Variants in RIMS2 observed in about 807,000 individuals in gnomAD.
RIMS2 encodes the protein regulating synaptic membrane exocytosis 2, also known as regulating synaptic membrane exocytosis protein 2.
Under a neutral mutation model 174.4 loss-of-function variants are expected in RIMS2, and 59 were observed. The ratio of observed to expected loss-of-function variants is 0.34; its 90% CI spans 0.27 to 0.42. The LOEUF (loss-of-function observed/expected upper bound fraction) is 0.42, where lower values mean the gene tolerates loss of function less well. RIMS2 is among the 10% of genes least tolerant of loss of function. The pLI is 1.00. For missense variants in RIMS2, 1,620 were observed against 1,666.3 expected (o/e 0.97, Z 0.48); for synonymous variants, 606 against 572.5 (o/e 1.06, Z -0.84).
At chr8:103,946,722 A>G (rs149218828) in intron 14 of RIMS2, among the ~76,000 whole-genome samples, 1 of 152,284 alleles carries the variant, frequency 6.6e-6, no homozygotes, top group East Asian at 1.9e-4. Flanking sequence ...CCCAATTCCT[A>G]TCAAAATCTA....
Position 103,881,069 on chromosome 8 carries a change from A to G in RIMS2, c.699-4229A>G, listed in dbSNP as rs567905998. Among the ~76,000 whole-genome samples the G allele has an allele frequency of 3.3e-3, 504 of 151,564 alleles. 3 individuals are homozygous for G. Among genetic ancestry groups the G allele is most frequent in the African/African-American group, 0.012 (480 of 41,486 alleles). ...GTGATTTACATATTTTTATTTATAA[A>G]GTAACAATTTTTTAATGATCTCTAC... On this transcript the variant is annotated intron_variant, in intron 3 of 23. Coordinates refer to ENST00000504942, the Ensembl canonical transcript of RIMS2.
chr8:104,055,085 T>A (rs2096846873), intron 19 of RIMS2, among the ~76,000 whole-genome samples: 2 of 152,102 alleles, frequency 1.3e-5, no homozygotes, highest in African/African-American at 2.4e-5. Flanking sequence ...TGTGTTTGGA[T>A]CCTTTTAAGA....
At chr8:104,041,244 G>A (rs2096603146) in intron 19 of RIMS2, 82 bp from the exon 22 acceptor site, 2 of 548,144 alleles carry the variant, frequency 3.6e-6, no homozygotes, top group Admixed American at 2.7e-5. Flanking sequence ...CTTTCCATCA[G>A]TGTCACTTTT....
intron 19 of RIMS2, among the ~76,000 whole-genome samples, chr8:104,117,552 G>T (rs564562931): frequency 6.6e-6 from 1 of 152,046 alleles, no homozygotes; most frequent in African/African-American, 2.4e-5. Context: ...TGTTTTCCAG[G>T]CTGGTCTTGA....
chr8:103,740,428 A>G (rs942343945), intron 2 of RIMS2, among the ~76,000 whole-genome samples: 1 of 152,182 alleles, frequency 6.6e-6, no homozygotes, highest in African/African-American at 2.4e-5. Flanking sequence ...GGCTTCTTGT[A>G]GAGGATGGCA....
chr8:103,560,859 T>G (rs2091470400), intron 1 of RIMS2, among the ~76,000 whole-genome samples: 1 of 152,230 alleles, frequency 6.6e-6, no homozygotes, highest in African/African-American at 2.4e-5. Flanking sequence ...CTTTTTATGT[T>G]AAGTAGGAAT....
intron 19 of RIMS2, among the ~76,000 whole-genome samples, chr8:104,211,805 C>T (rs1054721896): frequency 2.6e-5 from 4 of 151,996 alleles, no homozygotes; most frequent in African/African-American, 4.8e-5. Flanking sequence ...TGAGCCACCG[C>T]GCGTGACTGG....
At chr8:104,211,310 G>A (rs1666641768) in intron 19 of RIMS2, among the ~76,000 whole-genome samples, 2 of 152,282 alleles carry the variant, frequency 1.3e-5, no homozygotes, top group South Asian at 4.1e-4. Flanking sequence ...TTCTACTTTA[G>A]ATTGGATTGC....
chr8:103,513,981 T>C (rs183780755), intron 1 of RIMS2, among the ~76,000 whole-genome samples: 4 of 152,190 alleles, frequency 2.6e-5, no homozygotes, highest in African/African-American at 4.8e-5. Context: ...ATTATATAAC[T>C]CTTTTGTTTA....
chr8:104,013,367 C>T (rs2095816304), intron 17 of RIMS2, 75 bp from the exon 20 acceptor site: 1 of 1,156,548 alleles, frequency 8.6e-7, no homozygotes, highest in African/African-American at 1.6e-5. Context: ...TTTTCAAAAT[C>T]AGTTTGATGC....
At chr8:103,606,846 T>G (rs1024313318) in intron 1 of RIMS2, among the ~76,000 whole-genome samples, 1 of 151,530 alleles carries the variant, frequency 6.6e-6, no homozygotes, top group African/African-American at 2.4e-5. Context: ...TTGTTTTCCA[T>G]TTGCTTGGTA....
chr8:103,973,064 G>A (rs72683107), intron 15 of RIMS2, among the ~76,000 whole-genome samples: 19,323 of 152,076 alleles, frequency 0.13, 1,697 homozygotes, highest in Non-Finnish European at 0.19. Flanking sequence ...TCTAAGTTTT[G>A]TAAGAACAAT....
intron 2 of RIMS2, among the ~76,000 whole-genome samples, chr8:103,739,440 A>C (rs957770912): frequency 1.3e-5 from 2 of 152,210 alleles, no homozygotes; most frequent in Non-Finnish European, 2.9e-5. Context: ...ATGACGAGTT[A>C]ATGGGTGCAG....
intron 19 of RIMS2, among the ~76,000 whole-genome samples, chr8:104,022,098 GA>G (rs146879034): frequency 0.011 from 1,606 of 152,268 alleles, 32 homozygotes; most frequent in African/African-American, 0.037. Flanking sequence ...TTACAATAGT[GA>G]TGTTATCTAC....
At chr8:104,081,312 A>G (rs1465185789) in intron 19 of RIMS2, among the ~76,000 whole-genome samples, 6 of 152,080 alleles carry the variant, frequency 3.9e-5, no homozygotes, top group Non-Finnish European at 8.8e-5. Flanking sequence ...TTATTTCAAT[A>G]GAACATAAAA....
At chr8:104,249,688 A>T in intron 22 of RIMS2, 100 bp downstream of exon 28, 3 of 675,800 alleles carry the variant, frequency 4.4e-6, no homozygotes, top group Non-Finnish European at 7.9e-6. Flanking sequence ...GTTAATCAAG[A>T]TTACTAATGG....
intron 3 of RIMS2, among the ~76,000 whole-genome samples, chr8:103,807,564 G>A (rs768601048): frequency 4.6e-5 from 7 of 152,068 alleles, no homozygotes; most frequent in Non-Finnish European, 8.8e-5. Flanking sequence ...GGGAAATTCT[G>A]TTAAGATAGG....
chr8:104,188,220 C>CAGATAGATAGAT (rs71576001), intron 19 of RIMS2, among the ~76,000 whole-genome samples: 195 of 87,108 alleles, frequency 2.2e-3, no homozygotes, highest in Middle Eastern at 5.6e-3. Context: ...ATGGTTTGTT[C>CAGATAGATAGAT]AGATAGATAG....
At chr8:103,703,081 A>G (rs1257128070) in intron 2 of RIMS2, among the ~76,000 whole-genome samples, 2 of 151,544 alleles carry the variant, frequency 1.3e-5, no homozygotes, top group Non-Finnish European at 2.9e-5. Flanking sequence ...CACTGAGCTC[A>G]AATGATCCTC....
Sources: gnomAD v4.1 joint callset for allele counts (sites outside exome capture counted in the v4.1 genomes callset) on GRCh38, gnomAD v4.1.1 for gene constraint, MANE v1.5 for transcripts, NCBI Gene and HGNC (gene_info 2026-07-23, HGNC 2026-07-21) for gene names.